The following HIRA variants were observed in gnomAD, a reference collection of about 807,000 sequenced individuals.
HIRA encodes the protein histone cell cycle regulator, also known as protein HIRA.
HIRA carries 13 observed loss-of-function variants against 126.6 expected under a neutral mutation model. The observed-to-expected ratio is 0.10, with a 90% CI of 0.07 to 0.16. HIRA has a LOEUF of 0.16. Among genes scored for constraint, HIRA ranks in the 10% least tolerant of loss-of-function variants. The pLI is 1.00. For missense variants in HIRA, 834 were observed against 1,314.4 expected (o/e 0.63, Z 5.65); for synonymous variants, 511 against 520.0 (o/e 0.98, Z 0.24).
chr22:19,340,388 A>C (rs1380425990), intron 24 of HIRA, among the ~76,000 whole-genome samples: 1 of 152,208 alleles, frequency 6.6e-6, no homozygotes, highest in Non-Finnish European at 1.5e-5. Flanking sequence ...AAAAGCCACT[A>C]TGACAAACTC....
At chr22:19,423,756 G>A (rs917513622) in intron 1 of HIRA, among the ~76,000 whole-genome samples, 2 of 152,176 alleles carry the variant, frequency 1.3e-5, no homozygotes, top group African/African-American at 4.8e-5. Context: ...GGCAGACAAT[G>A]CTTTTAGGAG....
chr22:19,373,640 T>G (rs573343468), intron 15 of HIRA, among the ~76,000 whole-genome samples: 10 of 152,348 alleles, frequency 6.6e-5, no homozygotes, highest in Admixed American at 5.2e-4. Context: ...TGAATCCACA[T>G]GAGGGCAGAC....
chr22:19,380,247 T>C (rs192863503), intron 13 of HIRA, among the ~76,000 whole-genome samples: 26 of 152,352 alleles, frequency 1.7e-4, no homozygotes, highest in African/African-American at 6.0e-4. Context: ...AAAAATATTT[T>C]AAATAACAAT....
intron 5 of HIRA, among the ~76,000 whole-genome samples, chr22:19,400,463 G>A (rs1484628436): frequency 2.6e-5 from 4 of 152,092 alleles, no homozygotes; most frequent in African/African-American, 9.7e-5. Context: ...TCAGTGTTAC[G>A]AGTTTACCCT....
At position 19,351,516 on chromosome 22, in the gene HIRA, G is replaced by T. The variant is rs1269682461; in HGVS notation, c.2849-70C>A. 4 of 1,154,800 alleles carry T rather than the reference G, an allele frequency of 3.5e-6. No homozygotes were observed. Among genetic ancestry groups the T allele is most frequent in the African/African-American group, 3.1e-5 (2 of 65,344 alleles). The allele number at this position is 1,154,800 out of a possible 1,614,324, so 71.5% of individuals were successfully genotyped here. On this transcript the variant is annotated intron_variant, in intron 23 of 24. Transcript: ENST00000263208. The surrounding 1 kb of genome is among the most constrained non-coding windows in gnomAD (Gnocchi z 4.8). ...CAGAAATAGGAACACATTACAAAAA[G>T]AAATAAAATCAAGAATATGTTGTTG... is the stretch of plus-strand genomic sequence containing the variant.
intron 1 of HIRA, among the ~76,000 whole-genome samples, chr22:19,420,628 T>A (rs1035457828): frequency 6.6e-6 from 1 of 152,248 alleles, no homozygotes; most frequent in South Asian, 2.1e-4. Flanking sequence ...CACAGGAGGA[T>A]TGCTTGAGCC....
chr22:19,379,088 C>A (rs1300673271), intron 13 of HIRA, among the ~76,000 whole-genome samples: 1 of 151,118 alleles, frequency 6.6e-6, no homozygotes, highest in African/African-American at 2.4e-5. Context: ...AGTGCAGTGG[C>A]GCGATCTCGC....
chr22:19,337,116 A>C (rs1363030244), intron 24 of HIRA, among the ~76,000 whole-genome samples: 1 of 151,456 alleles, frequency 6.6e-6, no homozygotes, highest in Non-Finnish European at 1.5e-5. Context: ...TTTTTTTTTG[A>C]GACAGGGTCT....
rs569938396 is a variant in HIRA, at chr22:19,351,617, C to T, written c.2849-171G>A. 1.3e-5 allele frequency among the ~76,000 whole-genome samples: 2 copies of T among 152,270 alleles called. No individual in the cohort carries two copies. The highest frequency in any genetic ancestry group is 2.4e-5 in the African/African-American group (1 of 41,556). ...CAAGACGCCCCTGCATGTCTCTCAG[C>T]GGGGGGCACTGAGACCCATAATCAC... On this transcript the variant is annotated intron_variant, in intron 23 of 24. Transcript: ENST00000263208. This position sits in a 1 kb window ranked among gnomAD's most constrained non-coding sequence, Gnocchi z 4.8.
intron 13 of HIRA, 47 bp downstream of exon 13, chr22:19,383,573 A>T: frequency 6.9e-7 from 1 of 1,448,526 alleles, no homozygotes; most frequent in South Asian, 1.2e-5. Flanking sequence ...GAAAGAAGAC[A>T]GGAAGATCTC....
At chr22:19,403,113 A>AG (rs2089282607) in intron 5 of HIRA, among the ~76,000 whole-genome samples, 3 of 151,918 alleles carry the variant, frequency 2.0e-5, no homozygotes, top group East Asian at 1.9e-4. Context: ...AAAAAAAAAA[A>AG]AAAAAGAAAA....
chr22:19,394,937 C>T (rs893510326), intron 7 of HIRA, among the ~76,000 whole-genome samples: 9 of 152,198 alleles, frequency 5.9e-5, no homozygotes, highest in African/African-American at 2.2e-4. Context: ...CTTTTTAACC[C>T]AGGAGCCTGG....
At position 19,355,997 on chromosome 22, in the gene HIRA, T is replaced by C. The variant is rs187679942; in HGVS notation, c.2456-132A>G. On this transcript the variant is annotated intron_variant, in intron 20 of 24. Transcript: ENST00000263208. ...AATGCATCAACACTGCCTTGGCAAATAGGGAGGGCAAGCCATTCTCCTTGC... is the reference window on the plus strand; with the variant it reads ...AATGCATCAACACTGCCTTGGCAAACAGGGAGGGCAAGCCATTCTCCTTGC... 4.1e-4 allele frequency: 300 copies of C among 735,780 alleles called. 1 individual carries two copies. In the East Asian group the frequency reaches 7.9e-3, roughly 19 times the overall value. 45.6% of individuals were successfully genotyped at this position (735,780 alleles called of 1,614,324 possible). A position where few individuals can be genotyped will look rare whatever the true frequency, so the allele number is the denominator to read the frequency against.
rs1556011774 is a variant in HIRA at position 19,354,087 on chromosome 22, C to G, written c.2593G>C (p.Ala865Pro). ...CTGCTCCTAAAGTCTGCACACTGAG[C>G]CAGTGAGTCCTGCTTGTCAGAAACC... ...NLVSDKQDSL[A>P]QCADFRSSLP... The change falls in exon 22 of 25, where the codon GCT (alanine) becomes CCT (proline). Residue 865 changes from alanine to proline, a missense_variant. Ala to Pro is a conservative substitution (Grantham distance 27, BLOSUM62 -1). Transcript: ENST00000263208. The G allele has an allele frequency of 6.2e-7, 1 of 1,613,036 alleles. No homozygotes were observed.
chr22:19,398,426 C>T (rs935667295), intron 5 of HIRA, among the ~76,000 whole-genome samples: 4 of 152,234 alleles, frequency 2.6e-5, no homozygotes, highest in African/African-American at 9.6e-5. Context: ...CCAATCATAA[C>T]AGGGCCTTCC....
intron 1 of HIRA, among the ~76,000 whole-genome samples, chr22:19,416,327 C>T (rs534664539): frequency 1.2e-4 from 19 of 152,032 alleles, no homozygotes; most frequent in Non-Finnish European, 2.2e-4. Flanking sequence ...TTCTTTCTTT[C>T]TTTTCTTTTT....
At chr22:19,379,034 CTT>C (rs530908549) in intron 13 of HIRA, among the ~76,000 whole-genome samples, 3 of 145,204 alleles carry the variant, frequency 2.1e-5, no homozygotes, top group Admixed American at 6.8e-5. Flanking sequence ...TTTTCTTTTT[CTT>C]TTTTTTTTTT....
chr22:19,375,958 CA>C (rs1226636675), intron 14 of HIRA, among the ~76,000 whole-genome samples, 166 bp from the exon 15 acceptor site: 3 of 152,184 alleles, frequency 2.0e-5, no homozygotes, highest in Non-Finnish European at 1.5e-5. Flanking sequence ...TTAAAATTTT[CA>C]TGTGTCAAAA....
At chr22:19,402,789 A>G (rs933602740) in intron 5 of HIRA, among the ~76,000 whole-genome samples, 8 of 152,196 alleles carry the variant, frequency 5.3e-5, no homozygotes, top group Admixed American at 2.0e-4. Context: ...TTTGAAAAAG[A>G]CTAAGGACTC....
Sources: gnomAD v4.1 joint callset for allele counts (sites outside exome capture counted in the v4.1 genomes callset) on GRCh38, gnomAD v4.1.1 for gene constraint, Gnocchi (gnomAD v3.1) non-coding constraint, MANE v1.5 for transcripts, NCBI Gene and HGNC (gene_info 2026-07-23, HGNC 2026-07-21) for gene names.